GIT2: variants seen among roughly 807,000 people sequenced by gnomAD.
GIT2 encodes GIT ArfGAP 2, also known as ARF GTPase-activating protein GIT2.
Under a neutral mutation model 100.3 loss-of-function variants are expected in GIT2, and 32 were observed. That is an observed-to-expected ratio of 0.32 (90% CI 0.24 to 0.43). The LOEUF is 0.43. Among genes scored for constraint, GIT2 ranks in the 20% least tolerant of loss-of-function variants. The pLI is 1.00. For synonymous variants in GIT2, 353 were observed against 364.1 expected (o/e 0.97, Z 0.35); for missense variants, 737 against 975.1 (o/e 0.76, Z 3.25).
intron 12 of GIT2, chr12:109,953,571 G>A: frequency 4.6e-6 from 1 of 216,604 alleles, no homozygotes; most frequent in Non-Finnish European, 9.2e-6. Flanking sequence ...AGGCTGCAGT[G>A]AACCATGACT....
At chr12:109,973,128 T>C (rs1884311300) in intron 7 of GIT2, among the ~76,000 whole-genome samples, 1 of 152,018 alleles carries the variant, frequency 6.6e-6, no homozygotes, top group South Asian at 2.1e-4. Context: ...ATGCCTGGTC[T>C]GTATTACTAT....
chr12:109,966,229 C>CAG (rs1882332896), intron 8 of GIT2, among the ~76,000 whole-genome samples: 1 of 147,936 alleles, frequency 6.8e-6, no homozygotes. Flanking sequence ...CTCCTGACCT[C>CAG]GTGATCCACC....
chr12:109,973,323 T>G (rs960218802), intron 7 of GIT2, among the ~76,000 whole-genome samples: 2 of 152,120 alleles, frequency 1.3e-5, no homozygotes, highest in Non-Finnish European at 2.9e-5. Flanking sequence ...GTATTTTTAG[T>G]AGAGACGGAG....
chr12:109,987,050 A>G (rs1299093095), intron 4 of GIT2, among the ~76,000 whole-genome samples: 1 of 152,200 alleles, frequency 6.6e-6, no homozygotes, highest in Non-Finnish European at 1.5e-5. Flanking sequence ...GGCTGGCTCA[A>G]CATACACAAA....
intron 13 of GIT2, chr12:109,952,391 A>G (rs1004522782): frequency 2.2e-6 from 1 of 459,152 alleles, no homozygotes; most frequent in South Asian, 1.6e-5. Context: ...GGTGGCCTGC[A>G]TCAGCTCCAG....
intron 2 of GIT2, among the ~76,000 whole-genome samples, chr12:109,991,242 G>A (rs148576864): frequency 0.028 from 4,221 of 151,688 alleles, 197 homozygotes; most frequent in African/African-American, 0.097. Context: ...CCCGGGAGGC[G>A]GAGGTTACAG....
chr12:109,985,767 C>A (rs1887254182), intron 4 of GIT2, among the ~76,000 whole-genome samples: 1 of 151,980 alleles, frequency 6.6e-6, no homozygotes, highest in African/African-American at 2.4e-5. Flanking sequence ...GCGGGTGAAT[C>A]GCTTAAACCC....
At chr12:109,935,811 C>G (rs1592939020) in intron 18 of GIT2, among the ~76,000 whole-genome samples, 1 of 152,242 alleles carries the variant, frequency 6.6e-6, no homozygotes, top group African/African-American at 2.4e-5. Context: ...CAAAAGCTCA[C>G]TCATTATGAA....
chr12:109,940,350 T>C (rs1874315341), intron 16 of GIT2: 1 of 152,194 alleles, frequency 6.6e-6, no homozygotes, highest in Admixed American at 6.5e-5. Context: ...CAGAGATCAG[T>C]GGAGGCTAAT....
intron 6 of GIT2, chr12:109,981,760 G>T (rs1566006300): frequency 6.6e-6 from 1 of 152,194 alleles, no homozygotes; most frequent in Non-Finnish European, 1.5e-5. Context: ...AGGTACAAGT[G>T]CGAAAATTCC....
At position 109,965,509 on chromosome 12, in the gene GIT2, T is replaced by G. The variant is rs760105791; in HGVS notation, c.816+17A>C. The G allele has an allele frequency of 1.3e-6, 2 of 1,504,598 alleles. No individual in the cohort carries two copies. The highest frequency in any genetic ancestry group is 1.8e-6 in the Non-Finnish European group (2 of 1,083,800). 93.2% of individuals were successfully genotyped at this position (1,504,598 alleles called of 1,614,324 possible). On this transcript the variant is annotated intron_variant, in intron 9 of 19. Transcript: ENST00000355312. ...TGATTCTCATACTAGAGAAAACCAG[T>G]ACAGAGAAATACTCACAGATTGAAG...
chr12:109,965,682 G>T, intron 8 of GIT2, 105 bp from the exon 9 acceptor site: 1 of 838,516 alleles, frequency 1.2e-6, no homozygotes, highest in Non-Finnish European at 2.1e-6. Flanking sequence ...ACAGTTCATG[G>T]ACCATGTTAG....
intron 9 of GIT2, among the ~76,000 whole-genome samples, chr12:109,963,851 C>T (rs1881633722): frequency 6.6e-6 from 1 of 152,186 alleles, no homozygotes; most frequent in Non-Finnish European, 1.5e-5. Context: ...TTCTGGCCGG[C>T]AGCCCCTGCA....
rs577398259 is a variant in GIT2 at position 109,962,972 on chromosome 12, C to T, written c.817-1287G>A. Among the ~76,000 whole-genome samples, 2 of 151,994 alleles carry T rather than the reference C, an allele frequency of 1.3e-5. No individual in the cohort carries two copies. The highest frequency in any genetic ancestry group is 2.1e-4 in the South Asian group (1 of 4,818). On this transcript the variant is annotated intron_variant, in intron 9 of 19. Coordinates refer to ENST00000355312, the MANE Select transcript of GIT2 (RefSeq NM_057169.5). This position sits in a 1 kb window ranked among gnomAD's most constrained non-coding sequence, Gnocchi z 4.3. The stretch of plus-strand genomic sequence containing the variant: ...AGTGAGCCACGATGGCACCACTGCA[C>T]GCCAGCCTGGGTGACGGAGTGAGAC...
rs1458961570 is a variant in GIT2 at position 109,934,985 on chromosome 12, G to A, written c.2004-900C>T. Reference sequence around the variant, plus strand: ...CCCAGCTACTCAGGAGGCTGAAGCAGGAGAATCGCTTGAACCCGGGAGGCA... The same window carrying A: ...CCCAGCTACTCAGGAGGCTGAAGCAAGAGAATCGCTTGAACCCGGGAGGCA... On this transcript the variant is annotated intron_variant, in intron 18 of 19. Transcript: ENST00000355312. The surrounding 1 kb of genome is among the most constrained non-coding windows in gnomAD (Gnocchi z 4.5). Among the ~76,000 whole-genome samples, 1 of 151,998 alleles carries A rather than the reference G, an allele frequency of 6.6e-6. No homozygotes were observed.
chr12:109,990,736 G>T (rs895415644), intron 2 of GIT2, among the ~76,000 whole-genome samples: 1 of 152,158 alleles, frequency 6.6e-6, no homozygotes, highest in Non-Finnish European at 1.5e-5. Context: ...AGAAGTAAAG[G>T]TGACATGACA....
At chr12:109,961,233 C>G in intron 11 of GIT2, 45 bp downstream of exon 11, 1 of 1,030,466 alleles carries the variant, frequency 9.7e-7, no homozygotes, top group Non-Finnish European at 1.5e-6. Flanking sequence ...AACATGACAT[C>G]AGCCATTCCC....
In GIT2 at chr12:109,996,196, A is replaced by G. The variant is rs2137043850; in HGVS notation, c.29T>C (p.Val10Ala). 6.5e-7 allele frequency: 1 copy of G among 1,531,468 alleles called. No homozygotes were observed. Among genetic ancestry groups the G allele is most frequent in the East Asian group, 2.6e-5 (1 of 38,260 alleles). 94.9% of individuals were successfully genotyped at this position (1,531,468 alleles called of 1,614,324 possible). The part of the protein sequence containing the change: MSKRLRSSE[V>A]CADCSGPDPS... ...ACCCGGCCCGCTGCAGTCAGCGCAC[A>G]CCTCGCTGCTCCGGAGCCGTTTCGA... is the stretch of plus-strand genomic sequence containing the variant. Residue 10 changes from valine to alanine, a missense_variant, in exon 1 of 20, where the codon GTG becomes GCG. Around this residue, in one of 3 missense-constraint regions of GIT2, gnomAD observed 266 missense variants for 376.2 expected, o/e 0.71. Transcript: ENST00000355312.
chr12:109,940,528 T>A (rs927358972), intron 16 of GIT2: 1 of 152,110 alleles, frequency 6.6e-6, no homozygotes, highest in South Asian at 2.1e-4. Context: ...TGTTTAAACA[T>A]ATGGAAACCC....
Sources: gnomAD v4.1 joint callset for allele counts (sites outside exome capture counted in the v4.1 genomes callset) on GRCh38, gnomAD v4.1.1 for gene constraint, gnomAD v4.1.1 regional missense constraint, Gnocchi (gnomAD v3.1) non-coding constraint, MANE v1.5 for transcripts, NCBI Gene and HGNC (gene_info 2026-07-23, HGNC 2026-07-21) for gene names.